NALCN: variants seen among roughly 807,000 people sequenced by gnomAD.
The protein encoded by NALCN is sodium leak channel, non-selective.
A neutral mutation model predicts 225.3 loss-of-function variants in NALCN; 111 were observed. The ratio of observed to expected loss-of-function variants is 0.49; its 90% confidence interval spans 0.42 to 0.58. The LOEUF is 0.58. NALCN is among the 20% of genes least tolerant of loss of function. NALCN has a pLI of 0.00. For missense variants in NALCN, 1,378 were observed against 2,202.4 expected (o/e 0.63, Z 7.49); for synonymous variants, 764 against 769.0 (o/e 0.99, Z 0.11).
chr13:101,164,016 T>G (rs2038319524), intron 15 of NALCN, among the ~76,000 whole-genome samples: 1 of 152,134 alleles, frequency 6.6e-6, no homozygotes, highest in African/African-American at 2.4e-5. Context: ...TCTGTGTCTG[T>G]GTCTCTTCTC....
intron 13 of NALCN, among the ~76,000 whole-genome samples, chr13:101,200,891 A>G (rs16958626): frequency 0.041 from 6,258 of 152,276 alleles, 419 homozygotes; most frequent in African/African-American, 0.14. Context: ...GACTCAATGC[A>G]TATTTTGGTA....
Position 101,371,379 on chromosome 13 carries a change from C to T in NALCN, c.644+5321G>A, listed in dbSNP as rs188712048. On this transcript the variant is annotated intron_variant, in intron 6 of 43. Transcript: ENST00000251127. ...TATCACCCAGGCTGGAGTGCAGTGA[C>T]GCAATCATAGCTCACTCTAGTCTCA... 3.1e-4 allele frequency among the ~76,000 whole-genome samples: 47 copies of T among 152,152 alleles called. No homozygotes were observed. The East Asian group carries it at 3.5e-3, about 11-fold the overall frequency.
chr13:101,347,435 GA>G (rs1251619386), intron 6 of NALCN, among the ~76,000 whole-genome samples: 1 of 152,158 alleles, frequency 6.6e-6, no homozygotes, highest in Non-Finnish European at 1.5e-5. Context: ...GGGTCAGAAA[GA>G]TATTATTTTA....
chr13:101,060,073 C>T (rs1227112273), intron 41 of NALCN, 106 bp from the exon 42 acceptor site: 13 of 1,301,076 alleles, frequency 1.0e-5, no homozygotes, highest in East Asian at 2.4e-5. Flanking sequence ...ACCTGCATGA[C>T]GGGTGACCTC....
intron 15 of NALCN, among the ~76,000 whole-genome samples, chr13:101,147,685 C>T (rs1041342354): frequency 2.0e-5 from 3 of 152,116 alleles, no homozygotes; most frequent in African/African-American, 4.8e-5. Flanking sequence ...ACTACAGGTG[C>T]GAGCTGCCAT....
chr13:101,136,606 C>T (rs1432127030), intron 17 of NALCN, among the ~76,000 whole-genome samples: 4 of 152,178 alleles, frequency 2.6e-5, no homozygotes, highest in Non-Finnish European at 5.9e-5. Context: ...TTTCCAGCTT[C>T]ATCCACGTCC....
chr13:101,196,028 G>A (rs567289327), intron 13 of NALCN, among the ~76,000 whole-genome samples: 15 of 152,202 alleles, frequency 9.9e-5, no homozygotes, highest in Middle Eastern at 3.4e-3. Context: ...CTTGGGCCAG[G>A]TAATGTTCTA....
chr13:101,225,475 T>C (rs1477607769), intron 13 of NALCN, among the ~76,000 whole-genome samples: 1 of 152,146 alleles, frequency 6.6e-6, no homozygotes, highest in Non-Finnish European at 1.5e-5. Context: ...CGGGCTTGGA[T>C]TGGGAGCAGG....
rs1283276417 is a variant in NALCN at position 101,059,935 on chromosome 13, G to C, written c.4788C>G (p.Ser1596Arg). The change falls in exon 42 of 44, where the codon AGC (serine) becomes AGG (arginine). Residue 1596 changes from serine to arginine, a missense_variant. This residue lies in a region of NALCN where 94 missense variants were observed against 170.3 expected (regional missense o/e 0.55). Transcript: ENST00000251127. ...GCTCTTGCTGCTGACTCTCTCTCAGGCTGTGGATGATACTGCACGACTGCT... is the reference window on the plus strand; with the variant it reads ...GCTCTTGCTGCTGACTCTCTCTCAGCCTGTGGATGATACTGCACGACTGCT... ...KQQQSCSIIH[S>R]LRESQQQELS... The C allele has an allele frequency of 6.2e-7, 1 of 1,613,886 alleles. No homozygotes were observed. The highest frequency in any genetic ancestry group is 8.5e-7 in the Non-Finnish European group (1 of 1,180,010).
At chr13:101,193,789 T>C (rs1319365060) in intron 13 of NALCN, among the ~76,000 whole-genome samples, 1 of 152,200 alleles carries the variant, frequency 6.6e-6, no homozygotes, top group Non-Finnish European at 1.5e-5. Context: ...TCCTGTATTT[T>C]TTTTCTCTTG....
intron 28 of NALCN, among the ~76,000 whole-genome samples, chr13:101,090,346 CA>C (rs1321974042): frequency 6.6e-6 from 1 of 152,092 alleles, no homozygotes; most frequent in Non-Finnish European, 1.5e-5. Flanking sequence ...TCGATTTGCA[CA>C]AAGAAGCATT....
chr13:101,177,409 GTATATATATATATA>G (rs10624930), intron 14 of NALCN, among the ~76,000 whole-genome samples: 3,042 of 124,378 alleles, frequency 0.024, 125 homozygotes, highest in Non-Finnish European at 0.039. Context: ...GTAAATACGA[GTATATATATATATA>G]TATATATATG....
intron 1 of NALCN, 26 bp from the exon 2 acceptor site, chr13:101,399,191 T>C (rs1237754969): frequency 6.3e-7 from 1 of 1,586,186 alleles, no homozygotes; most frequent in African/African-American, 1.3e-5. Flanking sequence ...GTTGTATTTG[T>C]CATCTAAACC....
Position 101,104,842 on chromosome 13 carries a change from T to C in NALCN, c.2636+52A>G. 1 of 1,593,708 alleles carries C rather than the reference T, an allele frequency of 6.3e-7. No homozygotes were observed. The highest frequency in any genetic ancestry group is 8.6e-7 in the Non-Finnish European group (1 of 1,161,900). On this transcript the variant is annotated intron_variant, in intron 23 of 43. Transcript: ENST00000251127. This position sits in a 1 kb window ranked among gnomAD's most constrained non-coding sequence, Gnocchi z 4.2. ...TTTAATCGTTGTATGCAGCATAAAA[T>C]AGTACATGAAAACTTTAAATGTGCA...
At chr13:101,407,292 C>A (rs529462503) in intron 1 of NALCN, among the ~76,000 whole-genome samples, 263 of 152,272 alleles carry the variant, frequency 1.7e-3, no homozygotes, top group Non-Finnish European at 3.4e-3. Context: ...GTGGTAAACT[C>A]CTTTATGGAT....
intron 10 of NALCN, among the ~76,000 whole-genome samples, chr13:101,272,538 G>A (rs1045316704): frequency 1.3e-5 from 2 of 152,184 alleles, no homozygotes; most frequent in Non-Finnish European, 2.9e-5. Flanking sequence ...ACTCTGTTGA[G>A]GAAGCACTGA....
intron 6 of NALCN, among the ~76,000 whole-genome samples, chr13:101,370,398 T>A (rs1430893329): frequency 6.6e-6 from 1 of 152,168 alleles, no homozygotes; most frequent in Non-Finnish European, 1.5e-5. Flanking sequence ...AGAAGGAACA[T>A]GAGTTGACAT....
intron 7 of NALCN, among the ~76,000 whole-genome samples, chr13:101,338,589 G>T (rs1360693795): frequency 1.3e-5 from 2 of 152,014 alleles, no homozygotes; most frequent in African/African-American, 4.8e-5. Context: ...CTTTTAAAAG[G>T]TCATGACAAG....
intron 13 of NALCN, among the ~76,000 whole-genome samples, chr13:101,210,767 G>A (rs1266933771): frequency 1.3e-5 from 2 of 152,162 alleles, no homozygotes; most frequent in Non-Finnish European, 2.9e-5. Flanking sequence ...AAGGACAACT[G>A]CTACTACTTG....
Sources: allele counts gnomAD v4.1 joint callset (sites outside exome capture counted in the v4.1 genomes callset), GRCh38; gene constraint gnomAD v4.1.1; regional missense constraint gnomAD v4.1.1; non-coding constraint Gnocchi (gnomAD v3.1); transcripts MANE v1.5; gene names NCBI Gene and HGNC (gene_info 2026-07-23, HGNC 2026-07-21).